DNER: variants seen among roughly 807,000 people sequenced by gnomAD.
DNER encodes the protein delta and Notch-like epidermal growth factor-related receptor.
In DNER, 33 loss-of-function variants were observed where a neutral mutation model predicts 78.2. That is an observed-to-expected ratio of 0.42 (90% CI 0.32 to 0.56). The LOEUF is 0.56. Among genes scored for constraint, DNER ranks in the 20% least tolerant of loss-of-function variants. DNER has a pLI of 0.11. For missense variants in DNER, 918 were observed against 975.3 expected, an observed-to-expected ratio of 0.94 and a Z score of 0.78; for synonymous variants, 417 against 384.8, an observed-to-expected ratio of 1.08 and a Z score of -0.98.
rs1208240046 is a variant in DNER at position 229,367,088 on chromosome 2, C to G, written c.1887G>C (p.Glu629Asp). ...HLQWKSGHMA[E>D]SLTNMPRHSL... is the part of the protein sequence containing the mutation. ...AGTGCCGTGGCATGTTGGTGAGGCT[C>G]TCCGCCATGTGCCCGGACTTCCATT... Residue 629 changes from glutamate (E) to aspartate (D), a missense_variant, in exon 12 of 13, where the codon GAG becomes GAC. Coordinates refer to ENST00000341772, the MANE Select transcript of DNER (RefSeq NM_139072.4). 1 of 1,613,996 alleles carries G rather than the reference C, an allele frequency of 6.2e-7. No homozygotes were observed. Among genetic ancestry groups the G allele is most frequent in the African/African-American group, 1.3e-5 (1 of 74,916 alleles).
intron 9 of DNER, 115 bp downstream of exon 9, chr2:229,417,993 T>A: frequency 6.6e-7 from 1 of 1,526,576 alleles, no homozygotes; most frequent in Non-Finnish European, 8.9e-7. Flanking sequence ...GCTTCAGCAT[T>A]TGATTGTTAT....
intron 11 of DNER, among the ~76,000 whole-genome samples, chr2:229,387,646 C>T (rs139412313): frequency 6.6e-6 from 1 of 152,016 alleles, no homozygotes; most frequent in South Asian, 2.1e-4. Flanking sequence ...TCACTTCAAT[C>T]CTAGTAGATA....
At chr2:229,461,523 A>C (rs772437423) in intron 7 of DNER, among the ~76,000 whole-genome samples, 17 of 152,054 alleles carry the variant, frequency 1.1e-4, no homozygotes, top group Non-Finnish European at 2.1e-4. Context: ...ATTCATGGAC[A>C]CATTTAACCT....
At chr2:229,363,710 G>A (rs1185805909) in intron 12 of DNER, among the ~76,000 whole-genome samples, 1 of 152,188 alleles carries the variant, frequency 6.6e-6, no homozygotes, top group Non-Finnish European at 1.5e-5. Flanking sequence ...CCTTCCAAGA[G>A]TATTCAGTTA....
intron 10 of DNER, among the ~76,000 whole-genome samples, chr2:229,402,776 G>A (rs1362349939): frequency 1.3e-5 from 2 of 152,166 alleles, no homozygotes; most frequent in African/African-American, 4.8e-5. Flanking sequence ...TCCATCCACT[G>A]GTCCTCAGCC....
intron 1 of DNER, among the ~76,000 whole-genome samples, chr2:229,668,563 TATATATATATATATATAA>T (rs1699148887): frequency 2.1e-5 from 2 of 95,422 alleles, no homozygotes; most frequent in African/African-American, 9.1e-5. Context: ...TATATATATA[TATATATATATATATATAA>T]AAGAAGACAT....
intron 5 of DNER, among the ~76,000 whole-genome samples, chr2:229,541,382 C>A (rs1158102373): frequency 6.6e-6 from 1 of 152,072 alleles, no homozygotes; most frequent in African/African-American, 2.4e-5. Context: ...TGCCACAGTG[C>A]CCAGATATTT....
At chr2:229,397,421 A>G (rs1329483162) in intron 10 of DNER, among the ~76,000 whole-genome samples, 1 of 151,076 alleles carries the variant, frequency 6.6e-6, no homozygotes, top group African/African-American at 2.4e-5. Context: ...TAACAAGACA[A>G]AAAATTATAG....
intron 12 of DNER, among the ~76,000 whole-genome samples, chr2:229,365,435 G>T (rs949011259): frequency 1.3e-5 from 2 of 152,108 alleles, no homozygotes; most frequent in African/African-American, 4.8e-5. Context: ...AGAAAACCCA[G>T]GGATTTTTGT....
intron 5 of DNER, among the ~76,000 whole-genome samples, chr2:229,537,071 C>A (rs2154212968): frequency 6.6e-6 from 1 of 152,182 alleles, no homozygotes; most frequent in Middle Eastern, 3.4e-3. Flanking sequence ...GGTCCGTGGT[C>A]CCCAGGCTGG....
At chr2:229,451,082 G>T (rs1452139539) in intron 7 of DNER, among the ~76,000 whole-genome samples, 1 of 152,158 alleles carries the variant, frequency 6.6e-6, no homozygotes, top group Non-Finnish European at 1.5e-5. Flanking sequence ...GTCACTGTGG[G>T]TTCTGAAAAA....
At chr2:229,384,033 A>G (rs564327188) in intron 11 of DNER, among the ~76,000 whole-genome samples, 2 of 152,210 alleles carry the variant, frequency 1.3e-5, no homozygotes, top group African/African-American at 4.8e-5. Context: ...CAGCACATAC[A>G]AAAGAATGGA....
rs886894673 is a variant in DNER, at chr2:229,596,726, C to T, written c.277-4838G>A. Reference sequence around the variant, plus strand: ...GAGAATCAATAATACCCTAAGTGCTCTTGTCTGAGCTTCATAGATGAGAGG... The same window carrying T: ...GAGAATCAATAATACCCTAAGTGCTTTTGTCTGAGCTTCATAGATGAGAGG... On this transcript the variant is annotated intron_variant, in intron 1 of 12. Transcript: ENST00000341772. Among the ~76,000 whole-genome samples the T allele has an allele frequency of 5.6e-4, 85 of 152,342 alleles. 1 individual carries two copies. The highest frequency in any genetic ancestry group is 9.0e-4 in the Non-Finnish European group (61 of 68,032).
At chr2:229,545,489 C>G (rs184064285) in intron 5 of DNER, among the ~76,000 whole-genome samples, 1 of 152,196 alleles carries the variant, frequency 6.6e-6, no homozygotes, top group Non-Finnish European at 1.5e-5. Context: ...GCAGGAGAAA[C>G]GCTTGAACCC....
At chr2:229,535,119 A>T (rs964255060) in intron 5 of DNER, among the ~76,000 whole-genome samples, 3 of 152,226 alleles carry the variant, frequency 2.0e-5, no homozygotes, top group Non-Finnish European at 4.4e-5. Flanking sequence ...TACAGGCATG[A>T]GCCACCACGC....
intron 8 of DNER, among the ~76,000 whole-genome samples, chr2:229,431,682 G>A (rs1052759283): frequency 6.6e-6 from 1 of 150,584 alleles, no homozygotes. Flanking sequence ...TATACCTAAT[G>A]CTAAATGACG....
At chr2:229,505,953 G>A (rs1695733914) in intron 6 of DNER, among the ~76,000 whole-genome samples, 1 of 152,164 alleles carries the variant, frequency 6.6e-6, no homozygotes, top group Non-Finnish European at 1.5e-5. Flanking sequence ...TTATTTACAA[G>A]TGTGGGGCTA....
At chr2:229,647,418 C>T (rs548700590) in intron 1 of DNER, among the ~76,000 whole-genome samples, 5 of 152,316 alleles carry the variant, frequency 3.3e-5, no homozygotes, top group East Asian at 3.9e-4. Context: ...TTAGAACACA[C>T]GTTTTGAGAA....
chr2:229,510,758 A>G (rs561443366), intron 6 of DNER, among the ~76,000 whole-genome samples: 1 of 152,286 alleles, frequency 6.6e-6, no homozygotes, highest in East Asian at 1.9e-4. Context: ...CTGTCAAGTA[A>G]GTAGGTCTGG....
Sources: gnomAD v4.1 joint callset for allele counts (sites outside exome capture counted in the v4.1 genomes callset) on GRCh38, gnomAD v4.1.1 for gene constraint, MANE v1.5 for transcripts, NCBI Gene and HGNC (gene_info 2026-07-23, HGNC 2026-07-21) for gene names.